The following PTPRR variants were observed in gnomAD, a reference collection of about 807,000 sequenced individuals.
PTPRR encodes receptor-type tyrosine-protein phosphatase R.
PTPRR carries 38 observed loss-of-function variants against 77.2 expected under a neutral mutation model. That is an observed-to-expected ratio of 0.49 (90% CI 0.38 to 0.65). PTPRR has a LOEUF of 0.65. Among genes scored for constraint, PTPRR ranks in the 30% least tolerant of loss-of-function variants. The pLI, the probability that PTPRR is intolerant of heterozygous loss-of-function variation, is 0.00. For missense variants in PTPRR, 744 were observed against 799.2 expected (o/e 0.93, Z 0.83); for synonymous variants, 299 against 283.1 (o/e 1.06, Z -0.57).
chr12:70,771,886 C>T (rs1245036172), intron 2 of PTPRR, among the ~76,000 whole-genome samples: 1 of 152,092 alleles, frequency 6.6e-6, no homozygotes, highest in Admixed American at 6.6e-5. Context: ...GTAAAAATGC[C>T]AGTGGTACTG....
chr12:70,900,177 A>G (rs777531224), intron 1 of PTPRR, among the ~76,000 whole-genome samples: 5 of 151,438 alleles, frequency 3.3e-5, no homozygotes, highest in Non-Finnish European at 7.4e-5. Flanking sequence ...ATAGAAAGGC[A>G]AAATAAATAG....
intron 2 of PTPRR, among the ~76,000 whole-genome samples, chr12:70,876,448 C>T (rs1008907139): frequency 1.3e-4 from 20 of 152,080 alleles, no homozygotes; most frequent in South Asian, 2.1e-4. Flanking sequence ...TATATACAAA[C>T]GTGAAAATTA....
intron 10 of PTPRR, among the ~76,000 whole-genome samples, chr12:70,671,453 C>G (rs1191742152): frequency 6.6e-6 from 1 of 152,016 alleles, no homozygotes; most frequent in Non-Finnish European, 1.5e-5. Context: ...AGGTATATCT[C>G]AGACATTAAA....
intron 6 of PTPRR, among the ~76,000 whole-genome samples, chr12:70,713,941 C>A (rs1309153319): frequency 1.3e-5 from 2 of 152,026 alleles, no homozygotes; most frequent in Non-Finnish European, 2.9e-5. Context: ...TTTCTCTGAG[C>A]GTGTTTTGGA....
Position 70,908,272 on chromosome 12 carries a change from T to C in PTPRR, c.58+12061A>G, listed in dbSNP as rs560029790. Among the ~76,000 whole-genome samples the C allele has an allele frequency of 2.6e-5, 4 of 152,240 alleles. 1 individual carries two copies. In the South Asian group the frequency reaches 6.2e-4, roughly 24 times the overall value. On this transcript the variant is annotated intron_variant, in intron 1 of 13. Transcript: ENST00000283228. ...ATGATACTACAGAGACATTAATGCT[T>C]ATATATTAGGGGAAGAGGAAAGTGG...
chr12:70,725,613 G>A (rs142730568), intron 6 of PTPRR, among the ~76,000 whole-genome samples: 6,535 of 152,094 alleles, frequency 0.043, 147 homozygotes, highest in Middle Eastern at 0.065. Flanking sequence ...AAAAAGTACC[G>A]AGAGCCAACT....
intron 8 of PTPRR, among the ~76,000 whole-genome samples, chr12:70,694,085 T>C (rs1888146035): frequency 6.6e-6 from 1 of 152,200 alleles, no homozygotes; most frequent in Non-Finnish European, 1.5e-5. Flanking sequence ...AATGTTTTTG[T>C]TGGGGTAGGA....
chr12:70,705,591 T>C (rs1888590276), intron 6 of PTPRR, among the ~76,000 whole-genome samples: 1 of 152,070 alleles, frequency 6.6e-6, no homozygotes, highest in Admixed American at 6.6e-5. Context: ...GATTATGAAA[T>C]TAAGTTTCAG....
intron 2 of PTPRR, among the ~76,000 whole-genome samples, chr12:70,832,781 T>C (rs1352374045): frequency 6.6e-6 from 1 of 152,076 alleles, no homozygotes. Context: ...TGGCTGATGT[T>C]CTGCAGGCTG....
chr12:70,706,802 C>G (rs375473619), intron 6 of PTPRR, among the ~76,000 whole-genome samples: 8 of 151,988 alleles, frequency 5.3e-5, no homozygotes, highest in Admixed American at 3.3e-4. Context: ...TTCTGCATTT[C>G]GCTTAAGCAA....
At chr12:70,772,864 CTTACT>C (rs550545983) in intron 2 of PTPRR, among the ~76,000 whole-genome samples, 186 of 151,946 alleles carry the variant, frequency 1.2e-3, no homozygotes, top group African/African-American at 4.0e-3. Context: ...TAAAATTTAT[CTTACT>C]TTATTTTTTT....
At chr12:70,748,584 A>C (rs1020039757) in intron 5 of PTPRR, among the ~76,000 whole-genome samples, 1 of 152,192 alleles carries the variant, frequency 6.6e-6, no homozygotes, top group African/African-American at 2.4e-5. Flanking sequence ...GGAGCTGTAA[A>C]ACTCAAACTA....
chr12:70,805,713 C>A (rs1046960417), intron 2 of PTPRR, among the ~76,000 whole-genome samples: 18 of 152,106 alleles, frequency 1.2e-4, no homozygotes, highest in Admixed American at 7.2e-4. Flanking sequence ...CTCATTTAAT[C>A]CTTGCAACAA....
chr12:70,894,392 C>T (rs1893389630), intron 1 of PTPRR, among the ~76,000 whole-genome samples: 1 of 151,604 alleles, frequency 6.6e-6, no homozygotes, highest in Non-Finnish European at 1.5e-5. Context: ...ATACAATATA[C>T]CTTTCCCAAA....
At chr12:70,891,798 A>ATT (rs1893341597) in intron 2 of PTPRR, among the ~76,000 whole-genome samples, 1 of 152,132 alleles carries the variant, frequency 6.6e-6, no homozygotes, top group African/African-American at 2.4e-5. Context: ...AGCTTGTTAG[A>ATT]TTTAATTACA....
At chr12:70,832,272 T>A (rs1054482543) in intron 2 of PTPRR, among the ~76,000 whole-genome samples, 1 of 152,226 alleles carries the variant, frequency 6.6e-6, no homozygotes, top group South Asian at 2.1e-4. Context: ...TTGGGCCTGC[T>A]GCCCCAAAGC....
At chr12:70,883,723 T>TTCGAGCCGAG (rs1893187889) in intron 2 of PTPRR, among the ~76,000 whole-genome samples, 1 of 152,166 alleles carries the variant, frequency 6.6e-6, no homozygotes, top group African/African-American at 2.4e-5. Flanking sequence ...CACAGCCAGA[T>TTCGAGCCGAG]CTGGGGTCTT....
chr12:70,765,097 A>G (rs889974186), intron 2 of PTPRR, among the ~76,000 whole-genome samples: 1 of 152,154 alleles, frequency 6.6e-6, no homozygotes, highest in African/African-American at 2.4e-5. Flanking sequence ...AAGATGGGTG[A>G]TTTCTGCATT....
chr12:70,749,889 C>T (rs1040116330), intron 5 of PTPRR, among the ~76,000 whole-genome samples: 50 of 152,268 alleles, frequency 3.3e-4, no homozygotes, highest in African/African-American at 1.2e-3. Flanking sequence ...TGTTAATAAA[C>T]CTGTAAGGAC....
Sources: allele counts gnomAD v4.1 joint callset (sites outside exome capture counted in the v4.1 genomes callset), GRCh38; gene constraint gnomAD v4.1.1; transcripts MANE v1.5; gene names NCBI Gene and HGNC (gene_info 2026-07-23, HGNC 2026-07-21).